HCN1: variants seen among roughly 807,000 people sequenced by gnomAD.
HCN1 encodes the protein potassium/sodium hyperpolarization-activated cyclic nucleotide-gated channel 1.
Under a neutral mutation model 78.9 loss-of-function variants are expected in HCN1, and 13 were observed. The ratio of observed to expected loss-of-function variants is 0.16; its 90% CI spans 0.11 to 0.26. The LOEUF (loss-of-function observed/expected upper bound fraction) is 0.26. Among genes scored for constraint, HCN1 ranks in the 10% least tolerant of loss-of-function variants. The pLI, the probability that HCN1 is intolerant of heterozygous loss-of-function variation, is 1.00. For synonymous variants in HCN1, 552 were observed against 455.5 expected, an observed-to-expected ratio of 1.21 and a Z score of -2.70; for missense variants, 810 against 1,154.3, an observed-to-expected ratio of 0.70 and a Z score of 4.32.
chr5:45,499,243 G>A (rs999049365), intron 2 of HCN1, among the ~76,000 whole-genome samples: 3 of 152,136 alleles, frequency 2.0e-5, no homozygotes, highest in East Asian at 1.9e-4. Flanking sequence ...GACTCCATGC[G>A]CATGCACGTA....
intron 5 of HCN1, among the ~76,000 whole-genome samples, chr5:45,342,395 ATT>A (rs34854398): frequency 8.8e-5 from 12 of 137,112 alleles, no homozygotes; most frequent in African/African-American, 1.6e-4. Flanking sequence ...ACACCTGGCT[ATT>A]TTTTTTTTTT....
chr5:45,612,928 T>A (rs1744867868), intron 2 of HCN1, among the ~76,000 whole-genome samples: 1 of 152,154 alleles, frequency 6.6e-6, no homozygotes, highest in Non-Finnish European at 1.5e-5. Context: ...TTTTAAGCTA[T>A]CCTCAACTGG....
chr5:45,352,369 G>C (rs1195085565), intron 5 of HCN1, among the ~76,000 whole-genome samples: 2 of 151,072 alleles, frequency 1.3e-5, no homozygotes, highest in African/African-American at 2.4e-5. Flanking sequence ...ACTCTGGGGA[G>C]TGTTGTGCAG....
chr5:45,595,456 G>T (rs1050785987), intron 2 of HCN1, among the ~76,000 whole-genome samples: 3 of 152,114 alleles, frequency 2.0e-5, no homozygotes, highest in Middle Eastern at 3.2e-3. Context: ...TCCTGCCTCA[G>T]CCTCCTGAGT....
intron 2 of HCN1, among the ~76,000 whole-genome samples, chr5:45,499,984 T>C (rs1031692885): frequency 6.6e-6 from 1 of 152,110 alleles, no homozygotes. Context: ...ATTTATAATT[T>C]TGAAATAAAT....
intron 1 of HCN1, among the ~76,000 whole-genome samples, chr5:45,668,558 C>G (rs547074083): frequency 6.6e-6 from 1 of 151,890 alleles, no homozygotes; most frequent in Non-Finnish European, 1.5e-5. Context: ...AGTGTGAAAA[C>G]GGACTGATAC....
intron 2 of HCN1, among the ~76,000 whole-genome samples, chr5:45,524,579 TG>T (rs1162407193): frequency 4.6e-5 from 7 of 152,180 alleles, no homozygotes; most frequent in Non-Finnish European, 8.8e-5. Context: ...TCATGTCCCT[TG>T]TAAGTTGGAT....
intron 1 of HCN1, among the ~76,000 whole-genome samples, chr5:45,666,064 C>CA (rs1393471466): frequency 6.6e-6 from 1 of 152,002 alleles, no homozygotes; most frequent in Non-Finnish European, 1.5e-5. Flanking sequence ...CCAACTCCTC[C>CA]AGCATAATCC....
chr5:45,583,458 G>A (rs1744132373), intron 2 of HCN1, among the ~76,000 whole-genome samples: 1 of 151,880 alleles, frequency 6.6e-6, no homozygotes. Context: ...CAGTTTTGTT[G>A]ATCTTTTCAA....
At chr5:45,510,871 T>A (rs999541287) in intron 2 of HCN1, among the ~76,000 whole-genome samples, 2 of 146,918 alleles carry the variant, frequency 1.4e-5, no homozygotes, top group African/African-American at 5.0e-5. Context: ...ACCTTAGAAA[T>A]GTTGAGTTTA....
chr5:45,591,644 G>C (rs961470129), intron 2 of HCN1, among the ~76,000 whole-genome samples: 1 of 152,124 alleles, frequency 6.6e-6, no homozygotes, highest in Admixed American at 6.6e-5. Context: ...TTATTGTTGA[G>C]TACTTTGTAC....
intron 3 of HCN1, among the ~76,000 whole-genome samples, chr5:45,428,165 C>A (rs1313199019): frequency 2.0e-5 from 3 of 151,794 alleles, no homozygotes; most frequent in Non-Finnish European, 4.4e-5. Context: ...ATGCAAAGCA[C>A]CTGGCATATG....
chr5:45,690,017 A>T (rs1187899805), intron 1 of HCN1, among the ~76,000 whole-genome samples: 8 of 152,130 alleles, frequency 5.3e-5, no homozygotes, highest in Non-Finnish European at 1.2e-4. Flanking sequence ...GAATGTTCAT[A>T]GGCAGTCATT....
At chr5:45,359,959 A>T (rs115404919) in intron 4 of HCN1, among the ~76,000 whole-genome samples, 10,130 of 149,402 alleles carry the variant, frequency 0.068, 407 homozygotes, top group African/African-American at 0.11. Flanking sequence ...ATATATATAT[A>T]TTTTTTTTAC....
At chr5:45,520,228 T>C (rs968503023) in intron 2 of HCN1, among the ~76,000 whole-genome samples, 13 of 152,046 alleles carry the variant, frequency 8.6e-5, no homozygotes, top group Admixed American at 2.6e-4. Context: ...ATTGGTCATA[T>C]GAGAATGTGG....
intron 4 of HCN1, among the ~76,000 whole-genome samples, chr5:45,365,617 A>T (rs1747218902): frequency 6.6e-6 from 1 of 151,770 alleles, no homozygotes; most frequent in South Asian, 2.1e-4. Context: ...TGGTTCCATG[A>T]TTTTGTCATT....
At chr5:45,398,638 G>A (rs771180586) in intron 3 of HCN1, among the ~76,000 whole-genome samples, 4 of 152,060 alleles carry the variant, frequency 2.6e-5, no homozygotes, top group Non-Finnish European at 5.9e-5. Flanking sequence ...AACTTGTCAA[G>A]GCCGTGCAAA....
At chr5:45,346,646 G>A (rs907242806) in intron 5 of HCN1, among the ~76,000 whole-genome samples, 5 of 152,246 alleles carry the variant, frequency 3.3e-5, no homozygotes, top group African/African-American at 2.4e-5. Context: ...CTGGAAAATC[G>A]GGTCACTCCC....
chr5:45,649,285 A>C lies in HCN1; in HGVS notation c.426-3677T>G, dbSNP rs555492528. Among the ~76,000 whole-genome samples the C allele has an allele frequency of 1.5e-3, 234 of 152,048 alleles. 1 individual carries two copies. Among genetic ancestry groups the C allele is most frequent in the South Asian group, 0.012 (58 of 4,814 alleles). ...TTATTTTTAGAGTAGTTTTAGGTTC[A>C]TGGAAAACTTTAACTGAGTGTACAG... On this transcript the variant is annotated intron_variant, in intron 1 of 7. Transcript: ENST00000303230.
Sources: allele counts gnomAD v4.1 joint callset (sites outside exome capture counted in the v4.1 genomes callset), GRCh38; gene constraint gnomAD v4.1.1; transcripts MANE v1.5; gene names NCBI Gene and HGNC (gene_info 2026-07-23, HGNC 2026-07-21).